The following EEFSEC variants were observed in gnomAD, a reference collection of about 807,000 sequenced individuals.
EEFSEC encodes the protein eukaryotic elongation factor, selenocysteine-tRNA specific.
A neutral mutation model predicts 42.1 loss-of-function variants in EEFSEC; 43 were observed. The observed-to-expected ratio is 1.02, with a 90% confidence interval of 0.80 to 1.32. The LOEUF is 1.32. Among genes scored for constraint, EEFSEC ranks in the 40% most tolerant of loss-of-function variants. The pLI is 0.00. For missense variants in EEFSEC, 745 were observed against 803.6 expected (o/e 0.93, Z 0.88); for synonymous variants, 354 against 339.1 (o/e 1.04, Z -0.48).
chr3:128,291,853 C>A (rs563150237), intron 4 of EEFSEC, among the ~76,000 whole-genome samples: 1 of 152,218 alleles, frequency 6.6e-6, no homozygotes, highest in South Asian at 2.1e-4. Flanking sequence ...ATATCTTTAC[C>A]TTGTTGCTGA....
downstream of EEFSEC, among the ~76,000 whole-genome samples, chr3:128,411,760 G>A (rs1393660225): frequency 6.6e-6 from 1 of 152,256 alleles, no homozygotes; most frequent in African/African-American, 2.4e-5. Context: ...AGGCTTCTGG[G>A]TTAATATATT....
chr3:128,202,741 G>A (rs754672406), intron 1 of EEFSEC, among the ~76,000 whole-genome samples: 12 of 152,182 alleles, frequency 7.9e-5, no homozygotes, highest in Non-Finnish European at 1.8e-4. Flanking sequence ...TGATCATGGT[G>A]ACAAATCATT....
At chr3:128,246,651 C>T (rs1240774709) in intron 1 of EEFSEC, among the ~76,000 whole-genome samples, 185 bp from the exon 2 acceptor site, 1 of 152,222 alleles carries the variant, frequency 6.6e-6, no homozygotes, top group Non-Finnish European at 1.5e-5. Flanking sequence ...TCCTCATCTG[C>T]CATGGCAGTT....
At chr3:128,211,536 T>C (rs2065756123) in intron 1 of EEFSEC, among the ~76,000 whole-genome samples, 1 of 151,976 alleles carries the variant, frequency 6.6e-6, no homozygotes, top group Non-Finnish European at 1.5e-5. Context: ...TTTTTTTTTT[T>C]CTGGAGACAG....
intron 4 of EEFSEC, among the ~76,000 whole-genome samples, chr3:128,292,502 A>G (rs187333908): frequency 6.6e-6 from 1 of 151,732 alleles, no homozygotes; most frequent in Non-Finnish European, 1.5e-5. Flanking sequence ...TATATGATGT[A>G]TATTATATAT....
At chr3:128,426,170 A>C in the EEFSEC span, among the ~76,000 whole-genome samples, 1 of 152,216 alleles carries the variant, frequency 6.6e-6, no homozygotes, top group Non-Finnish European at 1.5e-5. Flanking sequence ...GGGCAGAGCC[A>C]GCACTTGAAC....
At chr3:128,198,379 T>TTATG (rs766505087) in intron 1 of EEFSEC, among the ~76,000 whole-genome samples, 4 of 152,206 alleles carry the variant, frequency 2.6e-5, no homozygotes, top group Non-Finnish European at 4.4e-5. Context: ...TGTGGTTGAA[T>TTATG]TATGTATATG....
chr3:128,356,362 C>G (rs1015165843), intron 5 of EEFSEC, among the ~76,000 whole-genome samples: 1 of 152,156 alleles, frequency 6.6e-6, no homozygotes, highest in African/African-American at 2.4e-5. Flanking sequence ...GATGTAACCC[C>G]AGGGCCTAGC....
chr3:128,198,015 C>T (rs1404477943), intron 1 of EEFSEC, among the ~76,000 whole-genome samples: 1 of 152,120 alleles, frequency 6.6e-6, no homozygotes, highest in Non-Finnish European at 1.5e-5. Flanking sequence ...ATCCCCCTTC[C>T]CTTAACCTTT....
Position 128,341,641 on chromosome 3 carries a change from G to T in EEFSEC, c.1195G>T (p.Gly399Cys). 6.2e-7 allele frequency: 1 copy of T among 1,614,066 alleles called. No homozygotes were observed. Among genetic ancestry groups the T allele is most frequent in the Non-Finnish European group, 8.5e-7 (1 of 1,180,028 alleles). ...TDNDEADKKA[G>C]QATEGHCPRQ... ...CAATGATGAGGCCGACAAGAAGGCC[G>T]GCCAGGCCACAGAGGGCCATTGTCC... Residue 399 changes from glycine to cysteine, a missense_variant, in exon 5 of 7, where the codon GGC (glycine) becomes TGC (cysteine). Coordinates refer to ENST00000254730, the MANE Select transcript of EEFSEC (RefSeq NM_021937.5).
Position 128,290,794 on chromosome 3 carries a change from G to A in EEFSEC, c.786+26013G>A, listed in dbSNP as rs1305313014. ...AGAGTTGCACTCTGTTGCCCAGGCT[G>A]GAGTGCAATGGTGCAACCTCGGCTC... On this transcript the variant is annotated intron_variant, in intron 4 of 6. Coordinates refer to ENST00000254730, the MANE Select transcript of EEFSEC (RefSeq NM_021937.5). Among the ~76,000 whole-genome samples, 3 of 152,226 alleles carry A rather than the reference G, an allele frequency of 2.0e-5. No homozygotes were observed. In the East Asian group the frequency reaches 5.8e-4, roughly 29 times the overall value.
At chr3:128,200,781 C>A (rs2065635787) in intron 1 of EEFSEC, among the ~76,000 whole-genome samples, 1 of 152,200 alleles carries the variant, frequency 6.6e-6, no homozygotes, top group Admixed American at 6.5e-5. Context: ...TTGTTCTTTG[C>A]AATCAGAGTC....
chr3:128,219,004 A>G (rs1350794259), intron 1 of EEFSEC, among the ~76,000 whole-genome samples: 1 of 152,210 alleles, frequency 6.6e-6, no homozygotes, highest in East Asian at 1.9e-4. Context: ...CTCACGGTGC[A>G]GTGGGGAGAT....
intron 1 of EEFSEC, among the ~76,000 whole-genome samples, chr3:128,191,809 A>G (rs1253385022): frequency 6.6e-6 from 1 of 152,214 alleles, no homozygotes; most frequent in Non-Finnish European, 1.5e-5. Flanking sequence ...TAAGGGAAAG[A>G]TAATATTCCA....
intron 1 of EEFSEC, among the ~76,000 whole-genome samples, chr3:128,201,150 C>T (rs1440931859): frequency 1.3e-5 from 2 of 152,124 alleles, no homozygotes; most frequent in African/African-American, 2.4e-5. Flanking sequence ...AATACTAATT[C>T]CATTTTCCTT....
At chr3:128,290,760 T>G (rs2066634990) in intron 4 of EEFSEC, among the ~76,000 whole-genome samples, 1 of 152,144 alleles carries the variant, frequency 6.6e-6, no homozygotes, top group Non-Finnish European at 1.5e-5. Context: ...TGTTTGTTTG[T>G]TTTTTGACAG....
intron 4 of EEFSEC, among the ~76,000 whole-genome samples, chr3:128,330,042 C>T (rs143883940): frequency 6.6e-6 from 1 of 152,184 alleles, no homozygotes; most frequent in African/African-American, 2.4e-5. Flanking sequence ...TTCCTTACCC[C>T]CTAAAAAGCC....
rs71329989 is a variant in EEFSEC, at chr3:128,285,741, G to A, written c.786+20960G>A. Among the ~76,000 whole-genome samples, 781 of 152,186 alleles carry A rather than the reference G, an allele frequency of 5.1e-3. 3 individuals are homozygous for A. Among genetic ancestry groups the A allele is most frequent in the Admixed American group, 0.01 (158 of 15,296 alleles). On this transcript the variant is annotated intron_variant, in intron 4 of 6. Transcript: ENST00000254730. ...CGCTCCCTTAGCCCATTCCTGTCCA[G>A]CGTCAGGCCAGTCCCACGTTCCTGG...
intron 1 of EEFSEC, among the ~76,000 whole-genome samples, chr3:128,162,009 C>T (rs1167065200): frequency 6.6e-6 from 1 of 152,166 alleles, no homozygotes; most frequent in African/African-American, 2.4e-5. Context: ...TTTTGGTTTT[C>T]TTTACCCCTA....
Sources: gnomAD v4.1 joint callset for allele counts (sites outside exome capture counted in the v4.1 genomes callset) on GRCh38, gnomAD v4.1.1 for gene constraint, MANE v1.5 for transcripts, NCBI Gene and HGNC (gene_info 2026-07-23, HGNC 2026-07-21) for gene names.